Variants in TRHDE observed in about 807,000 individuals in gnomAD.
TRHDE encodes thyrotropin releasing hormone degrading enzyme.
A neutral mutation model predicts 125.7 loss-of-function variants in TRHDE; 72 were observed. The observed-to-expected ratio is 0.57, with a 90% confidence interval of 0.47 to 0.70. TRHDE has a LOEUF of 0.70. Among genes scored for constraint, TRHDE ranks in the 30% least tolerant of loss-of-function variants. The pLI, the probability that TRHDE is intolerant of heterozygous loss-of-function variation, is 0.00. For synonymous variants in TRHDE, 509 were observed against 509.1 expected, an observed-to-expected ratio of 1.00 and a Z score of 0.00; for missense variants, 1,110 against 1,327.1, an observed-to-expected ratio of 0.84 and a Z score of 2.54.
chr12:72,139,184 T>A (rs1474405253), intron 2 of TRHDE, among the ~76,000 whole-genome samples: 1 of 152,174 alleles, frequency 6.6e-6, no homozygotes, highest in Non-Finnish European at 1.5e-5. Context: ...ACTAGCAGAA[T>A]TGAGTGTAAA....
At chr12:72,542,471 A>C in intron 7 of TRHDE, 115 bp downstream of exon 7, 1 of 726,992 alleles carries the variant, frequency 1.4e-6, no homozygotes, top group East Asian at 2.8e-5. Context: ...AAGATGTGTA[A>C]GTTAAGCAAT....
intron 2 of TRHDE, among the ~76,000 whole-genome samples, chr12:72,354,036 C>T (rs527325627): frequency 6.6e-6 from 1 of 151,594 alleles, no homozygotes; most frequent in African/African-American, 2.4e-5. Context: ...CATAGGTGTC[C>T]TTTTCTAGAG....
intron 2 of TRHDE, among the ~76,000 whole-genome samples, chr12:72,311,867 AATC>A (rs1388894291): frequency 1.3e-5 from 2 of 152,174 alleles, no homozygotes; most frequent in Non-Finnish European, 2.9e-5. Context: ...AATAGCTTCA[AATC>A]ATTTAGTACT....
chr12:72,352,048 C>A (rs889805681), intron 2 of TRHDE, among the ~76,000 whole-genome samples: 2 of 151,932 alleles, frequency 1.3e-5, no homozygotes, highest in East Asian at 3.9e-4. Flanking sequence ...TGACCATGAG[C>A]CTTTCAGAGT....
At chr12:72,522,981 T>C (rs1200610337) in intron 6 of TRHDE, among the ~76,000 whole-genome samples, 2 of 152,022 alleles carry the variant, frequency 1.3e-5, no homozygotes, top group African/African-American at 2.4e-5. Flanking sequence ...GAGCTAAATC[T>C]TTCACCATTT....
chr12:72,615,019 GAT>G (rs1195565359), intron 12 of TRHDE, among the ~76,000 whole-genome samples: 2 of 152,072 alleles, frequency 1.3e-5, no homozygotes, highest in African/African-American at 2.4e-5. Context: ...GGGAGGGAAG[GAT>G]ATATGTGTGC....
chr12:72,418,289 T>C (rs1185146566), intron 3 of TRHDE, among the ~76,000 whole-genome samples: 1 of 152,134 alleles, frequency 6.6e-6, no homozygotes, highest in Admixed American at 6.6e-5. Context: ...GATTAATTAA[T>C]GTTAAGTTTA....
chr12:72,535,534 AT>A (rs1868810892), intron 6 of TRHDE, among the ~76,000 whole-genome samples: 1 of 151,876 alleles, frequency 6.6e-6, no homozygotes, highest in African/African-American at 2.4e-5. Context: ...TATGGAATTA[AT>A]TTTCTTTCCC....
At chr12:72,538,279 G>A (rs1868968933) in intron 6 of TRHDE, among the ~76,000 whole-genome samples, 2 of 151,754 alleles carry the variant, frequency 1.3e-5, no homozygotes, top group African/African-American at 4.8e-5. Flanking sequence ...CCTTCTCTTA[G>A]CTATTATTTT....
chr12:72,206,345 G>T (rs144960971), intron 2 of TRHDE, among the ~76,000 whole-genome samples: 130 of 152,162 alleles, frequency 8.5e-4, no homozygotes, highest in Admixed American at 1.3e-3. Flanking sequence ...CGCCTGCCTC[G>T]ACCTTCCAAA....
At chr12:72,516,391 A>T (rs1225598741) in intron 6 of TRHDE, among the ~76,000 whole-genome samples, 1 of 152,076 alleles carries the variant, frequency 6.6e-6, no homozygotes, top group Non-Finnish European at 1.5e-5. Context: ...TAGGTATTTT[A>T]TTCTCTTTGA....
intron 5 of TRHDE, among the ~76,000 whole-genome samples, chr12:72,484,651 T>C (rs775274714): frequency 6.6e-6 from 1 of 152,172 alleles, no homozygotes; most frequent in South Asian, 2.1e-4. Flanking sequence ...TTATAAGAGT[T>C]TCTATGTTGC....
intron 7 of TRHDE, among the ~76,000 whole-genome samples, chr12:72,557,939 A>C (rs1238115057): frequency 6.6e-6 from 1 of 151,216 alleles, no homozygotes; most frequent in African/African-American, 2.5e-5. Context: ...AGAAACAAAT[A>C]TTGCAAAAAG....
intron 3 of TRHDE, among the ~76,000 whole-genome samples, chr12:72,451,073 G>A (rs12301142): frequency 1.3e-3 from 194 of 151,866 alleles, no homozygotes; most frequent in African/African-American, 4.2e-3. Flanking sequence ...ATTTTCTCCC[G>A]TTCTTTACTT....
At chr12:72,421,340 G>C (rs1236930860) in intron 3 of TRHDE, among the ~76,000 whole-genome samples, 1 of 152,138 alleles carries the variant, frequency 6.6e-6, no homozygotes, top group Non-Finnish European at 1.5e-5. Flanking sequence ...TCATGTATCT[G>C]ATAACTGGGC....
At chr12:72,416,742 G>C (rs1873747166) in intron 3 of TRHDE, among the ~76,000 whole-genome samples, 1 of 152,062 alleles carries the variant, frequency 6.6e-6, no homozygotes, top group African/African-American at 2.4e-5. Flanking sequence ...CTATGTGTCT[G>C]TTTTTATACC....
intron 2 of TRHDE, among the ~76,000 whole-genome samples, chr12:72,224,166 GTATC>G (rs368211232): frequency 0.019 from 1,212 of 62,838 alleles, 11 homozygotes; most frequent in Non-Finnish European, 0.027. Flanking sequence ...ATGTATGTAT[GTATC>G]TATCTATCTA....
intron 2 of TRHDE, among the ~76,000 whole-genome samples, chr12:72,141,151 A>G (rs1182594925): frequency 6.6e-6 from 1 of 152,188 alleles, no homozygotes; most frequent in Non-Finnish European, 1.5e-5. Flanking sequence ...AACTCTAAAT[A>G]GGTAGTCACA....
intron 6 of TRHDE, among the ~76,000 whole-genome samples, chr12:72,518,404 GTTCT>G (rs1196161059): frequency 6.6e-6 from 1 of 150,600 alleles, no homozygotes; most frequent in Non-Finnish European, 1.5e-5. Context: ...ATGTAATGGC[GTTCT>G]TTGTCTCTTT....
Sources: allele counts gnomAD v4.1 joint callset (sites outside exome capture counted in the v4.1 genomes callset), GRCh38; gene constraint gnomAD v4.1.1; transcripts MANE v1.5; gene names NCBI Gene and HGNC (gene_info 2026-07-23, HGNC 2026-07-21).